The following ZNF493 variants were observed in gnomAD, a reference collection of about 807,000 sequenced individuals.
ZNF493 encodes the protein zinc finger protein 493.
In ZNF493, 11 loss-of-function variants were observed where a neutral mutation model predicts 12.2. That is an observed-to-expected ratio of 0.90 (90% CI 0.57 to 1.50). The LOEUF is 1.50. ZNF493 is among the 40% of genes most tolerant of loss of function. The pLI is 0.00. For missense variants in ZNF493, 950 were observed against 906.6 expected (o/e 1.05, Z -0.61); for synonymous variants, 286 against 302.6 (o/e 0.95, Z 0.57).
At chr19:21,422,254 T>C (rs2030699945) in intron 3 of ZNF493, among the ~76,000 whole-genome samples, 1 of 152,086 alleles carries the variant, frequency 6.6e-6, no homozygotes, top group South Asian at 2.1e-4. Flanking sequence ...CTCAGCAGAC[T>C]CAAACTGTCA....
intron 3 of ZNF493, among the ~76,000 whole-genome samples, chr19:21,410,058 G>GTATATATATATA (rs750161583): frequency 4.1e-4 from 58 of 139,886 alleles, no homozygotes; most frequent in African/African-American, 1.5e-3. Flanking sequence ...ATTTCATTGT[G>GTATATATATATA]TGTATATATA....
At chr19:21,410,155 G>C (rs1170929210) in intron 3 of ZNF493, among the ~76,000 whole-genome samples, 3 of 150,358 alleles carry the variant, frequency 2.0e-5, no homozygotes, top group Admixed American at 6.6e-5. Flanking sequence ...TTTGGCTTTT[G>C]TGAATACGGG....
intron 3 of ZNF493, chr19:21,408,640 G>A: frequency 1.0e-6 from 1 of 985,072 alleles, no homozygotes. Context: ...GTCTCTTCCT[G>A]TGCAGTTTCA....
In ZNF493 at chr19:21,424,419, C is replaced by T. The variant is rs752387960; in HGVS notation, c.1760C>T (p.Thr587Ile). The T allele has an allele frequency of 7.0e-5, 113 of 1,611,340 alleles. No homozygotes were observed. Among genetic ancestry groups the T allele is most frequent in the Middle Eastern group, 1.6e-4 (1 of 6,074 alleles). The change falls in exon 4 of 4, where the codon ACC becomes ATC. Residue 587 changes from threonine to isoleucine, a missense_variant. Thr to Ile is a moderately conservative substitution (Grantham distance 89). Transcript: ENST00000392288. Reference sequence around the variant, plus strand: ...GGCAAATCCTTTAGTGTATTCTCAACCCTTACTAAACACAAGATAATTCAT... The same window carrying T: ...GGCAAATCCTTTAGTGTATTCTCAATCCTTACTAAACACAAGATAATTCAT... Reference protein sequence around the residue: ...ECGKSFSVFSTLTKHKIIHTD... With the variant: ...ECGKSFSVFSILTKHKIIHTD...
chr19:21,422,523 T>G (rs978115436), intron 3 of ZNF493, among the ~76,000 whole-genome samples: 5 of 150,488 alleles, frequency 3.3e-5, no homozygotes, highest in Non-Finnish European at 7.4e-5. Flanking sequence ...AGTGCAATGG[T>G]GCAATCTTGG....
chr19:21,402,825 G>A (rs1022394373), intron 1 of ZNF493, among the ~76,000 whole-genome samples: 8 of 152,174 alleles, frequency 5.3e-5, no homozygotes, highest in African/African-American at 1.9e-4. Context: ...AAGAGTGAGG[G>A]ATAAGGCCAC....
Position 21,425,229 on chromosome 19 carries a change from C to G in ZNF493, c.*245C>G. The G allele has an allele frequency of 1.8e-6, 1 of 548,538 alleles. No individual in the cohort carries two copies. Among genetic ancestry groups the G allele is most frequent in the Non-Finnish European group, 3.3e-6 (1 of 299,160 alleles). 34.0% of individuals were successfully genotyped at this position (548,538 alleles called of 1,614,324 possible). A position where few individuals can be genotyped will look rare whatever the true frequency, so the allele number is the denominator to read the frequency against. ...CAAAGGCTTTAATTAGTTCTCATCC[C>G]TTACTAAACATAAGAGAATTCATAC... On this transcript the variant is annotated 3_prime_UTR_variant, in exon 4 of 4. Coordinates refer to ENST00000392288, the MANE Select transcript of ZNF493 (RefSeq NM_001076678.3).
chr19:21,420,592 TATATATATATATATATATATATA>T (rs2030629542), intron 3 of ZNF493, among the ~76,000 whole-genome samples: 1 of 6,622 alleles, frequency 1.5e-4, no homozygotes, highest in African/African-American at 1.0e-3. Context: ...CTCACTTGAT[TATATATATATATATATATATATA>T]TATATATATT....
At chr19:21,402,429 C>T (rs2029979544) in intron 1 of ZNF493, among the ~76,000 whole-genome samples, 2 of 152,234 alleles carry the variant, frequency 1.3e-5, no homozygotes, top group East Asian at 1.9e-4. Context: ...CATGTTTCCT[C>T]AGTTTTTTCC....
At chr19:21,405,908 A>T (rs781221647) in intron 3 of ZNF493, 52 bp downstream of exon 3, 19 of 365,978 alleles carry the variant, frequency 5.2e-5, no homozygotes, top group Admixed American at 9.6e-5. Flanking sequence ...TGAAAGATTT[A>T]AAAAAAAAAA....
chr19:21,424,368 A>C lies in ZNF493; in HGVS notation c.1709A>C (p.His570Pro), dbSNP rs748431881. 2 of 1,613,532 alleles carry C rather than the reference A, an allele frequency of 1.2e-6. No homozygotes were observed. The highest frequency in any genetic ancestry group is 1.7e-6 in the Non-Finnish European group (2 of 1,179,720). The change falls in exon 4 of 4, where the codon CAC becomes CCC. Residue 570 changes from histidine (H) to proline (P), a missense_variant. Physicochemically the swap from His to Pro is moderately conservative, Grantham distance 77. Transcript: ENST00000392288. ...LTTHKRIHTGHKPYKCKECGK... is the reference protein window; with the variant it reads ...LTTHKRIHTGPKPYKCKECGK... Reference sequence around the variant, plus strand: ...ACACATAAGAGAATTCATACTGGACACAAACCCTACAAATGTAAAGAATGT... The same window carrying C: ...ACACATAAGAGAATTCATACTGGACCCAAACCCTACAAATGTAAAGAATGT...
In ZNF493 at chr19:21,425,322, C is replaced by T. The variant is rs181385127; in HGVS notation, c.*338C>T. 9.4e-6 allele frequency: 4 copies of T among 424,102 alleles called. No homozygotes were observed. The highest frequency in any genetic ancestry group is 3.6e-5 in the Admixed American group (1 of 28,166). The allele number at this position is 424,102 out of a possible 1,614,324, so 26.3% of individuals were successfully genotyped here. ...TAACCACTTCTCAACCCTGCCTACA[C>T]GTAAGATAATTCATACTGGAAGGAA... On this transcript the variant is annotated 3_prime_UTR_variant, in exon 4 of 4. Coordinates refer to ENST00000392288, the MANE Select transcript of ZNF493 (RefSeq NM_001076678.3).
rs1008052318 is a variant in ZNF493 at position 21,426,781 on chromosome 19, A to C, written c.*1797A>C. 3 of 167,044 alleles carry C rather than the reference A, an allele frequency of 1.8e-5. No homozygotes were observed. Among genetic ancestry groups the C allele is most frequent in the Admixed American group, 6.5e-5 (1 of 15,278 alleles). 10.3% of individuals were successfully genotyped at this position (167,044 alleles called of 1,614,324 possible). On this transcript the variant is annotated 3_prime_UTR_variant, in exon 4 of 4. Transcript: ENST00000392288. ...TTAATCCAAATTTGTCTATGTAAATACCAGAATTTATAGTAGAAATATATG... is the reference window on the plus strand; with the variant it reads ...TTAATCCAAATTTGTCTATGTAAATCCCAGAATTTATAGTAGAAATATATG...
At chr19:21,420,655 TCA>T (rs2030648593) in intron 3 of ZNF493, among the ~76,000 whole-genome samples, 1 of 46,516 alleles carries the variant, frequency 2.1e-5, no homozygotes, top group Non-Finnish European at 3.8e-5. Context: ...TTTTTTTTTT[TCA>T]GAACTTTGAC....
Position 21,426,056 on chromosome 19 carries a change from T to C in ZNF493, c.*1072T>C. 1 of 420,800 alleles carries C rather than the reference T, an allele frequency of 2.4e-6. No homozygotes were observed. The highest frequency in any genetic ancestry group is 4.7e-6 in the Non-Finnish European group (1 of 212,668). The allele number at this position is 420,800 out of a possible 1,614,324, so 26.1% of individuals were successfully genotyped here. Reference sequence around the variant, plus strand: ...ATATGGCAAAGGCTTTAACTAGTCCTCAGTTCTTAACACACATACGATAAT... The same window carrying C: ...ATATGGCAAAGGCTTTAACTAGTCCCCAGTTCTTAACACACATACGATAAT... On this transcript the variant is annotated 3_prime_UTR_variant, in exon 4 of 4. Coordinates refer to ENST00000392288, the MANE Select transcript of ZNF493 (RefSeq NM_001076678.3).
intron 3 of ZNF493, 70 bp from the exon 4 acceptor site, chr19:21,422,843 G>A (rs11666213): frequency 0.19 from 251,584 of 1,337,658 alleles, 26,175 homozygotes; most frequent in Non-Finnish European, 0.22. Context: ...TAATATTATA[G>A]TTTAGATTTG....
At chr19:21,404,842 G>A (rs1171135051) in intron 1 of ZNF493, among the ~76,000 whole-genome samples, 1 of 150,366 alleles carries the variant, frequency 6.7e-6, no homozygotes, top group Non-Finnish European at 1.5e-5. Context: ...GGCAAATATA[G>A]CACTAAAAAA....
rs763511026 is a variant in ZNF493, at chr19:21,405,248, C to G, written c.150C>G (p.Val50=). 4 of 1,612,878 alleles carry G rather than the reference C, an allele frequency of 2.5e-6. No individual in the cohort carries two copies. The African/African-American group carries it at 4.0e-5, about 16-fold the overall frequency. ...KVMLENYRNL[V]FLGIAVSKPD... is the part of the protein sequence containing the mutation. ...TGTTAGAGAACTACAGAAACCTGGT[C>G]TTCTTGGGTGAGAATAACTTTAATA... is the stretch of plus-strand genomic sequence containing the variant. Residue 50 remains valine, a synonymous_variant, in exon 2 of 4, where the codon GTC becomes GTG. Coordinates refer to ENST00000392288, the MANE Select transcript of ZNF493 (RefSeq NM_001076678.3).
chr19:21,399,621 C>T (rs1974229424), intron 1 of ZNF493, among the ~76,000 whole-genome samples: 1 of 152,104 alleles, frequency 6.6e-6, no homozygotes, highest in Admixed American at 6.5e-5. Flanking sequence ...ATTTGGGTTT[C>T]AAAAAATTAT....
Sources: allele counts gnomAD v4.1 joint callset (sites outside exome capture counted in the v4.1 genomes callset), GRCh38; gene constraint gnomAD v4.1.1; transcripts MANE v1.5; gene names NCBI Gene and HGNC (gene_info 2026-07-23, HGNC 2026-07-21).